Variants in MSR1 observed in about 807,000 individuals in gnomAD.
The protein encoded by MSR1 is macrophage scavenger receptor 1.
Under a neutral mutation model 47.2 loss-of-function variants are expected in MSR1, and 53 were observed. The ratio of observed to expected loss-of-function variants is 1.12; its 90% CI spans 0.90 to 1.41. The LOEUF (loss-of-function observed/expected upper bound fraction) is 1.41. Ranked by LOEUF, MSR1 falls within the 40% of genes most tolerant of loss-of-function variation. MSR1 has a pLI of 0.00. For synonymous variants in MSR1, 239 were observed against 185.6 expected (o/e 1.29, Z -2.34); for missense variants, 786 against 546.9 (o/e 1.44, Z -4.36).
At chr8:16,151,836 G>C (rs2117136288) in intron 6 of MSR1, among the ~76,000 whole-genome samples, 1 of 152,234 alleles carries the variant, frequency 6.6e-6, no homozygotes, top group Non-Finnish European at 1.5e-5. Context: ...GACTGGTTAA[G>C]GGCATGGACT....
chr8:16,140,779 G>T lies in MSR1; in HGVS notation c.1033+2779C>A, dbSNP rs113657162. On this transcript the variant is annotated intron_variant, in intron 8 of 9. Transcript: ENST00000262101. ...GATAGGGGAGAGAGGTGATGGTGGA[G>T]TAATTGGAGTAAGAAGAGGTATGAG... is the stretch of plus-strand genomic sequence containing the variant. 105 of 1,457,572 alleles carry T rather than the reference G, an allele frequency of 7.2e-5. No homozygotes were observed. In the African/African-American group the frequency reaches 1.4e-3, roughly 20 times the overall value. 90.3% of individuals were successfully genotyped at this position (1,457,572 alleles called of 1,614,324 possible).
intron 8 of MSR1, chr8:16,140,627 C>T (rs1020077640): frequency 1.1e-5 from 13 of 1,136,962 alleles, no homozygotes; most frequent in Non-Finnish European, 1.3e-5. Flanking sequence ...GGTGAGAACA[C>T]AGCAGTTCTC....
Position 16,177,991 on chromosome 8 carries a change from T to G in MSR1, c.-3A>C. 2 of 1,612,016 alleles carry G rather than the reference T, an allele frequency of 1.2e-6. No homozygotes were observed. The highest frequency in any genetic ancestry group is 8.5e-7 in the Non-Finnish European group (1 of 1,178,244). Reference sequence around the variant, plus strand: ...TGAAAGTGATCCCACTGCTCCATACTTCTATGAAACAAAATGGAAAAATAT... The same window carrying G: ...TGAAAGTGATCCCACTGCTCCATACGTCTATGAAACAAAATGGAAAAATAT... On this transcript the variant is annotated splice_region_variant and 5_prime_UTR_variant, in exon 2 of 10. Coordinates refer to ENST00000262101, the MANE Select transcript of MSR1 (RefSeq NM_138715.3).
At chr8:16,155,726 A>G (rs1800986511) in intron 5 of MSR1, among the ~76,000 whole-genome samples, 1 of 151,940 alleles carries the variant, frequency 6.6e-6, no homozygotes, top group Non-Finnish European at 1.5e-5. Flanking sequence ...ACTTTCAAGA[A>G]TGAAGGGAAG....
rs1445630842 is a variant in MSR1, at chr8:16,109,991, C to G, written c.*94G>C. 1.4e-6 allele frequency: 2 copies of G among 1,460,972 alleles called. No individual in the cohort carries two copies. Among genetic ancestry groups the G allele is most frequent in the South Asian group, 1.2e-5 (1 of 86,912 alleles). The allele number at this position is 1,460,972 out of a possible 1,614,324, so 90.5% of individuals were successfully genotyped here. A position where few individuals can be genotyped will look rare whatever the true frequency, so the allele number is the denominator to read the frequency against. On this transcript the variant is annotated 3_prime_UTR_variant, in exon 10 of 10. Transcript: ENST00000262101. ...ATATTATTTGGGCAATATTCTTAAT[C>G]TCTTAAATATTGATTAAATGGATTT...
intron 1 of MSR1, among the ~76,000 whole-genome samples, chr8:16,183,471 T>C (rs1425773682): frequency 1.3e-5 from 2 of 148,710 alleles, no homozygotes; most frequent in South Asian, 4.2e-4. Context: ...TATTCATATA[T>C]GAATAGATGA....
intron 1 of MSR1, chr8:16,186,403 C>T (rs1011765278): frequency 3.3e-5 from 18 of 539,338 alleles, no homozygotes; most frequent in African/African-American, 1.7e-4. Context: ...GCCCATAGCT[C>T]GTCTCTCAAC....
chr8:16,142,232 G>A (rs1800577624), intron 8 of MSR1, among the ~76,000 whole-genome samples: 1 of 152,152 alleles, frequency 6.6e-6, no homozygotes, highest in African/African-American at 2.4e-5. Context: ...GGAGGCTGAG[G>A]TGGGAGAAGA....
chr8:16,164,790 C>T (rs960491464), intron 4 of MSR1, among the ~76,000 whole-genome samples: 42 of 151,998 alleles, frequency 2.8e-4, no homozygotes, highest in African/African-American at 9.7e-4. Context: ...TTTGCATTGC[C>T]TCTGTATTTG....
chr8:16,139,973 T>C, intron 8 of MSR1: 1 of 462,878 alleles, frequency 2.2e-6, no homozygotes, highest in African/African-American at 2.2e-5. Context: ...TTGTAATTGC[T>C]TGTTCATTTG....
chr8:16,165,892 G>C (rs1024503492), intron 4 of MSR1, among the ~76,000 whole-genome samples: 2 of 152,030 alleles, frequency 1.3e-5, no homozygotes, highest in African/African-American at 2.4e-5. Flanking sequence ...TCTCTATCTT[G>C]CACCTCCTCC....
At chr8:16,176,372 T>G (rs1801647184) in intron 2 of MSR1, among the ~76,000 whole-genome samples, 1 of 151,936 alleles carries the variant, frequency 6.6e-6, no homozygotes, top group African/African-American at 2.4e-5. Flanking sequence ...CCAGTCATGG[T>G]AGCATGTCCC....
At chr8:16,163,405 T>C (rs1801215502) in intron 5 of MSR1, among the ~76,000 whole-genome samples, 1 of 151,156 alleles carries the variant, frequency 6.6e-6, no homozygotes, top group African/African-American at 2.4e-5. Context: ...GAAAAATACA[T>C]GCAAATGGTT....
intron 8 of MSR1, among the ~76,000 whole-genome samples, chr8:16,137,628 T>A (rs1563146645): frequency 6.6e-6 from 1 of 152,114 alleles, no homozygotes; most frequent in East Asian, 1.9e-4. Flanking sequence ...AGCCACAGTT[T>A]ATAATTCTAG....
At chr8:16,181,900 G>T (rs530442386) in intron 1 of MSR1, among the ~76,000 whole-genome samples, 10 of 152,046 alleles carry the variant, frequency 6.6e-5, no homozygotes, top group Admixed American at 1.3e-4. Flanking sequence ...AGATGGATTC[G>T]CAAAAATTGT....
intron 5 of MSR1, among the ~76,000 whole-genome samples, chr8:16,156,361 A>G (rs992643708): frequency 6.6e-6 from 1 of 151,914 alleles, no homozygotes; most frequent in African/African-American, 2.4e-5. Flanking sequence ...GGAACCACAT[A>G]AATAAATAAA....
rs772831442 is a variant in MSR1, at chr8:16,168,440, C to T, written c.630+18G>A. On this transcript the variant is annotated intron_variant, in intron 4 of 9. Coordinates refer to ENST00000262101, the MANE Select transcript of MSR1 (RefSeq NM_138715.3). ...GATTCAGTTCCAGCAAGTGACCTTG[C>T]AGTCCACAAACTCTTACCTCTTGTT... The T allele has an allele frequency of 9.3e-6, 15 of 1,613,544 alleles. No homozygotes were observed. Among genetic ancestry groups the T allele is most frequent in the African/African-American group, 1.3e-5 (1 of 74,918 alleles).
intron 8 of MSR1, among the ~76,000 whole-genome samples, chr8:16,138,415 T>G (rs1381341934): frequency 6.6e-6 from 1 of 152,178 alleles, no homozygotes; most frequent in Non-Finnish European, 1.5e-5. Context: ...CATTATGCAT[T>G]TTTAAAGTTG....
At chr8:16,128,628 A>T (rs183746518) in intron 8 of MSR1, among the ~76,000 whole-genome samples, 5 of 152,098 alleles carry the variant, frequency 3.3e-5, no homozygotes, top group African/African-American at 1.2e-4. Context: ...TTCTTTTTTC[A>T]CTTATGTTAT....
Sources: gnomAD v4.1 joint callset for allele counts (sites outside exome capture counted in the v4.1 genomes callset) on GRCh38, gnomAD v4.1.1 for gene constraint, MANE v1.5 for transcripts, NCBI Gene and HGNC (gene_info 2026-07-23, HGNC 2026-07-21) for gene names.